CSMD1: variants seen among roughly 807,000 people sequenced by gnomAD.
CSMD1 encodes CUB and Sushi multiple domains 1.
Under a neutral mutation model 417.5 loss-of-function variants are expected in CSMD1, and 213 were observed. That is an observed-to-expected ratio of 0.51 (90% CI 0.46 to 0.57). The LOEUF is 0.57. Ranked by LOEUF, CSMD1 falls within the 20% of genes least tolerant of loss-of-function variation. CSMD1 has a pLI of 0.00. For missense variants in CSMD1, 6,923 were observed against 4,529.7 expected (o/e 1.53, Z -15.17); for synonymous variants, 2,862 against 1,736.8 (o/e 1.65, Z -16.11).
chr8:3,714,551 A>C (rs952058164), intron 6 of CSMD1, among the ~76,000 whole-genome samples: 12 of 134,612 alleles, frequency 8.9e-5, no homozygotes, highest in African/African-American at 3.5e-4. Context: ...GCGAAACCCC[A>C]TCTCTATCCC....
intron 26 of CSMD1, among the ~76,000 whole-genome samples, chr8:3,283,589 G>T (rs1802908514): frequency 6.6e-6 from 1 of 152,188 alleles, no homozygotes; most frequent in Non-Finnish European, 1.5e-5. Context: ...AAGCAGGAAA[G>T]CCACTCCAGC....
At chr8:3,292,809 G>C (rs552026007) in intron 25 of CSMD1, among the ~76,000 whole-genome samples, 1 of 151,982 alleles carries the variant, frequency 6.6e-6, no homozygotes, top group Admixed American at 6.6e-5. Flanking sequence ...TTTAATTGGA[G>C]CATTTAGCCC....
chr8:3,771,531 T>A (rs1584972465), intron 5 of CSMD1, among the ~76,000 whole-genome samples: 1 of 152,086 alleles, frequency 6.6e-6, no homozygotes, highest in Non-Finnish European at 1.5e-5. Flanking sequence ...CTCATTTGGG[T>A]GACTGGATAG....
chr8:3,744,200 A>C (rs1052042057), intron 6 of CSMD1, among the ~76,000 whole-genome samples: 1 of 152,204 alleles, frequency 6.6e-6, no homozygotes, highest in Non-Finnish European at 1.5e-5. Flanking sequence ...GGAGTTGAGG[A>C]CAGGGATGAC....
In CSMD1 at chr8:3,416,642, G is replaced by C. The variant is rs150792449; in HGVS notation, c.1562-7037C>G. ...AGCTACATGGAAACACGTCCAGGGA[G>C]TTGCCTGGTCCTTTAGATTCTGCTG... is the stretch of plus-strand genomic sequence containing the variant. On this transcript the variant is annotated intron_variant, in intron 12 of 69. Coordinates refer to ENST00000635120, the MANE Select transcript of CSMD1 (RefSeq NM_033225.6). Among the ~76,000 whole-genome samples the C allele has an allele frequency of 9.1e-3, 1,391 of 152,302 alleles. 24 individuals carry two copies. The highest frequency in any genetic ancestry group is 0.031 in the African/African-American group (1,282 of 41,562).
At chr8:4,623,853 G>C (rs1801931012) in intron 2 of CSMD1, among the ~76,000 whole-genome samples, 2 of 152,076 alleles carry the variant, frequency 1.3e-5, no homozygotes, top group Admixed American at 1.3e-4. Flanking sequence ...TAGAACACAG[G>C]ATGGATGACC....
At chr8:3,409,239 C>G (rs1812530559) in intron 13 of CSMD1, among the ~76,000 whole-genome samples, 184 bp downstream of exon 13, 1 of 152,180 alleles carries the variant, frequency 6.6e-6, no homozygotes, top group South Asian at 2.1e-4. Context: ...TTAGTTTTTA[C>G]TAAATGAAGA....
intron 2 of CSMD1, among the ~76,000 whole-genome samples, chr8:4,501,945 G>A (rs1002058262): frequency 6.6e-6 from 1 of 152,106 alleles, no homozygotes; most frequent in East Asian, 1.9e-4. Flanking sequence ...TAGAATAAGG[G>A]AGAGAACTGT....
intron 4 of CSMD1, among the ~76,000 whole-genome samples, chr8:4,026,407 G>T (rs191516598): frequency 1.3e-5 from 2 of 152,196 alleles, no homozygotes; most frequent in African/African-American, 4.8e-5. Context: ...CACATGGGTG[G>T]CAGCATAGGA....
At chr8:3,796,581 T>C (rs962718009) in intron 5 of CSMD1, among the ~76,000 whole-genome samples, 1 of 146,190 alleles carries the variant, frequency 6.8e-6, no homozygotes, top group East Asian at 2.0e-4. Context: ...ATCTAAGATA[T>C]AATATATAGA....
At chr8:3,154,220 G>A (rs1332726416) in intron 39 of CSMD1, among the ~76,000 whole-genome samples, 1 of 152,200 alleles carries the variant, frequency 6.6e-6, no homozygotes, top group Non-Finnish European at 1.5e-5. Flanking sequence ...TGATCCACCT[G>A]CCTCGGCCTC....
At chr8:4,745,799 G>C (rs1289118556) in intron 1 of CSMD1, among the ~76,000 whole-genome samples, 2 of 152,088 alleles carry the variant, frequency 1.3e-5, no homozygotes, top group African/African-American at 2.4e-5. Flanking sequence ...CACAAGTACA[G>C]TGAGATGCTA....
chr8:4,369,822 G>C (rs1443015930), intron 3 of CSMD1, among the ~76,000 whole-genome samples: 1 of 152,146 alleles, frequency 6.6e-6, no homozygotes, highest in Non-Finnish European at 1.5e-5. Flanking sequence ...GAGACTATGG[G>C]TGTTGTTACT....
chr8:4,295,781 TATATATACAC>T (rs1563407119), intron 3 of CSMD1, among the ~76,000 whole-genome samples: 3 of 43,228 alleles, frequency 6.9e-5, no homozygotes, highest in Non-Finnish European at 1.0e-4. Context: ...TATATATATA[TATATATACAC>T]ACACACATCT....
In CSMD1 at chr8:4,438,293, T is replaced by A. The variant is rs145364139; in HGVS notation, c.303-18228A>T. ...TGAAGAGACCTGGGGCTTTCCTGAATGCTCATGGAGGTGGTGTCTGAAGCA... is the reference window on the plus strand; with the variant it reads ...TGAAGAGACCTGGGGCTTTCCTGAAAGCTCATGGAGGTGGTGTCTGAAGCA... On this transcript the variant is annotated intron_variant, in intron 2 of 69. Coordinates refer to ENST00000635120, the MANE Select transcript of CSMD1 (RefSeq NM_033225.6). Among the ~76,000 whole-genome samples the A allele has an allele frequency of 6.7e-3, 1,019 of 152,318 alleles. 6 individuals carry two copies. Among genetic ancestry groups the A allele is most frequent in the Non-Finnish European group, 0.01 (689 of 68,018 alleles).
intron 3 of CSMD1, among the ~76,000 whole-genome samples, chr8:4,036,510 A>G (rs1044098886): frequency 1.3e-5 from 2 of 152,228 alleles, no homozygotes; most frequent in Non-Finnish European, 2.9e-5. Context: ...CAAACTTCCA[A>G]GAGACAGCTA....
chr8:4,526,130 T>C (rs1796500835), intron 2 of CSMD1, among the ~76,000 whole-genome samples: 1 of 152,166 alleles, frequency 6.6e-6, no homozygotes, highest in African/African-American at 2.4e-5. Flanking sequence ...AATAAGAACA[T>C]AAAAAGGGAG....
At position 4,121,923 on chromosome 8, in the gene CSMD1, T is replaced by G. The variant is rs772005185; in HGVS notation, c.416-89824A>C. Among the ~76,000 whole-genome samples, 100 of 152,070 alleles carry G rather than the reference T, an allele frequency of 6.6e-4. 2 individuals are homozygous for G. The highest frequency in any genetic ancestry group is 2.6e-4 in the Non-Finnish European group (18 of 68,010). ...CCAACTCATGAATCACACATCACAC[T>G]CCCTGATTTTATATTAAATGATTAG... On this transcript the variant is annotated intron_variant, in intron 3 of 69. Transcript: ENST00000635120.
At chr8:3,783,796 G>C (rs1044604791) in intron 5 of CSMD1, among the ~76,000 whole-genome samples, 1 of 152,154 alleles carries the variant, frequency 6.6e-6, no homozygotes, top group Non-Finnish European at 1.5e-5. Context: ...AGACACTGAG[G>C]CTTCCATATT....
Sources: allele counts gnomAD v4.1 joint callset (sites outside exome capture counted in the v4.1 genomes callset), GRCh38; gene constraint gnomAD v4.1.1; transcripts MANE v1.5; gene names NCBI Gene and HGNC (gene_info 2026-07-23, HGNC 2026-07-21).